The following SPAG17 variants were observed in gnomAD, a reference collection of about 807,000 sequenced individuals.
The protein encoded by SPAG17 is sperm-associated antigen 17.
Under a neutral mutation model 273.6 loss-of-function variants are expected in SPAG17, and 169 were observed. That is an observed-to-expected ratio of 0.62 (90% confidence interval 0.55 to 0.70). SPAG17 has a LOEUF of 0.70. Ranked by LOEUF, SPAG17 falls within the 30% of genes least tolerant of loss-of-function variation. The pLI, the probability that SPAG17 is intolerant of heterozygous loss-of-function variation, is 0.00. For missense variants in SPAG17, 2,557 were observed against 2,627.8 expected (o/e 0.97, Z 0.59); for synonymous variants, 825 against 873.2 (o/e 0.94, Z 0.97).
Position 118,053,648 on chromosome 1 carries a change from A to G in SPAG17, c.2814+354T>C, listed in dbSNP as rs140059542. 1.6e-3 allele frequency among the ~76,000 whole-genome samples: 245 copies of G among 152,182 alleles called. 2 individuals carry two copies. Among genetic ancestry groups the G allele is most frequent in the Middle Eastern group, 6.8e-3 (2 of 294 alleles). On this transcript the variant is annotated intron_variant, in intron 20 of 48. Transcript: ENST00000336338. ...ATCTGAATATAAAAAATAAATCTATAAAAATATTCTAAGAGAATGCATAAA... is the reference window on the plus strand; with the variant it reads ...ATCTGAATATAAAAAATAAATCTATGAAAATATTCTAAGAGAATGCATAAA...
chr1:118,125,088 G>C (rs1457858194), intron 3 of SPAG17, among the ~76,000 whole-genome samples: 1 of 152,104 alleles, frequency 6.6e-6, no homozygotes, highest in Non-Finnish European at 1.5e-5. Context: ...ACTCTAAATA[G>C]CTGAGCTGTT....
intron 3 of SPAG17, among the ~76,000 whole-genome samples, chr1:118,135,426 TGTGTGG>T (rs1264488682): frequency 2.1e-3 from 317 of 150,068 alleles, no homozygotes; most frequent in African/African-American, 7.4e-3. Flanking sequence ...TGTGTGTGTG[TGTGTGG>T]GGTATGGTGT....
At chr1:118,096,589 C>T (rs1022009911) in intron 7 of SPAG17, among the ~76,000 whole-genome samples, 6 of 152,280 alleles carry the variant, frequency 3.9e-5, no homozygotes, top group African/African-American at 1.4e-4. Flanking sequence ...GAGAGATTTT[C>T]TGTAGCAGAG....
intron 7 of SPAG17, among the ~76,000 whole-genome samples, chr1:118,094,328 C>T (rs138132910): frequency 3.9e-5 from 6 of 152,320 alleles, no homozygotes; most frequent in African/African-American, 1.4e-4. Flanking sequence ...TAAAATGAAA[C>T]AGCAAATCAC....
intron 1 of SPAG17, among the ~76,000 whole-genome samples, chr1:118,184,089 A>C (rs936801065): frequency 6.6e-6 from 1 of 152,082 alleles, no homozygotes; most frequent in Non-Finnish European, 1.5e-5. Context: ...GGAAAAAAAA[A>C]CAGTTATAGT....
At chr1:118,020,470 T>C (rs1052559721) in intron 28 of SPAG17, among the ~76,000 whole-genome samples, 25 of 151,576 alleles carry the variant, frequency 1.6e-4, no homozygotes, top group Admixed American at 1.4e-3. Context: ...AAGGAAGTCA[T>C]TGCATAATGA....
intron 15 of SPAG17, among the ~76,000 whole-genome samples, chr1:118,077,558 CAAAG>C: frequency 6.6e-6 from 1 of 152,084 alleles, no homozygotes; most frequent in South Asian, 2.1e-4. Flanking sequence ...TGAAACAAAA[CAAAG>C]AAAACACCTT....
At chr1:118,092,056 C>A in intron 8 of SPAG17, 54 bp from the exon 9 acceptor site, 1 of 1,470,108 alleles carries the variant, frequency 6.8e-7, no homozygotes, top group South Asian at 1.1e-5. Context: ...TGAGAGATGC[C>A]CTCATCAAAT....
At chr1:118,037,117 T>G (rs1415211338) in intron 23 of SPAG17, among the ~76,000 whole-genome samples, 1 of 152,106 alleles carries the variant, frequency 6.6e-6, no homozygotes, top group Non-Finnish European at 1.5e-5. Flanking sequence ...AGAGAGGAAA[T>G]CAATCGGTTG....
chr1:118,123,310 A>G (rs1252435685), intron 3 of SPAG17, among the ~76,000 whole-genome samples: 2 of 152,204 alleles, frequency 1.3e-5, no homozygotes, highest in East Asian at 3.9e-4. Flanking sequence ...GTAATTTCCA[A>G]TGAGGCATAA....
At position 117,966,470 on chromosome 1, in the gene SPAG17, GCT is replaced by G. The variant is rs879241458; in HGVS notation, c.6532+137_6532+138del. ...GGTGCTTTCAAAGATGAATGAAGAT[GCT>G]CTTTGTCTTAATAAATTTAACTCTG... is the stretch of plus-strand genomic sequence containing the variant. On this transcript the variant is annotated intron_variant, in intron 47 of 48. Coordinates refer to ENST00000336338, the MANE Select transcript of SPAG17 (RefSeq NM_206996.4). 16 of 834,268 alleles carry G rather than the reference GCT, an allele frequency of 1.9e-5. No homozygotes were observed. In the South Asian group the frequency reaches 4.2e-4, roughly 22 times the overall value. 51.7% of individuals were successfully genotyped at this position (834,268 alleles called of 1,614,324 possible). A position where few individuals can be genotyped will look rare whatever the true frequency, so the allele number is the denominator to read the frequency against.
intron 48 of SPAG17, chr1:117,962,970 C>G (rs1653303074): frequency 6.6e-6 from 1 of 152,224 alleles, no homozygotes; most frequent in African/African-American, 2.4e-5. Context: ...TGTCTGCAAT[C>G]CACCCCCATT....
At chr1:118,162,542 G>A (rs1451512851) in intron 1 of SPAG17, among the ~76,000 whole-genome samples, 1 of 152,140 alleles carries the variant, frequency 6.6e-6, no homozygotes, top group Non-Finnish European at 1.5e-5. Context: ...CAAAAAAGGT[G>A]AAAAGAGATT....
intron 6 of SPAG17, among the ~76,000 whole-genome samples, chr1:118,098,113 G>A (rs927247289): frequency 2.0e-5 from 3 of 152,166 alleles, no homozygotes; most frequent in South Asian, 2.1e-4. Flanking sequence ...TTATGACTAC[G>A]TCACACATTT....
In SPAG17 at chr1:118,005,531, GC is replaced by G; in HGVS notation, c.4658del (p.Ser1553ThrfsTer21). On this transcript the variant is annotated frameshift_variant, in exon 32 of 49. Transcript: ENST00000336338. LOFTEE classifies it high-confidence loss of function. ...DCSAVYCHESSSNIYYPFQKR... is the reference protein window; with the variant it reads ...DCSAVYCHESXSNIYYPFQKR... ...TTTGAAAAGGATAGTATATATTACT[GC>G]TTGACTCATGGCAGTACACAGCTGA... is the stretch of plus-strand genomic sequence containing the variant. The G allele has an allele frequency of 6.2e-7, 1 of 1,611,358 alleles. No homozygotes were observed. The highest frequency in any genetic ancestry group is 8.5e-7 in the Non-Finnish European group (1 of 1,178,640).
intron 29 of SPAG17, among the ~76,000 whole-genome samples, chr1:118,013,382 G>A (rs1046505389): frequency 2.0e-5 from 3 of 152,076 alleles, no homozygotes; most frequent in South Asian, 2.1e-4. Context: ...AATGAATGCC[G>A]ATCATTATTT....
chr1:117,956,599 G>A (rs1652233951), intron 48 of SPAG17, among the ~76,000 whole-genome samples: 1 of 152,134 alleles, frequency 6.6e-6, no homozygotes, highest in Non-Finnish European at 1.5e-5. Flanking sequence ...TTTTAAATTG[G>A]AATTGATGAA....
chr1:118,117,643 G>A (rs1558025279), intron 3 of SPAG17, among the ~76,000 whole-genome samples: 2 of 152,190 alleles, frequency 1.3e-5, no homozygotes, highest in Non-Finnish European at 2.9e-5. Context: ...GAGAGAGAGA[G>A]CAGTGGTGGA....
At chr1:118,093,404 C>T (rs937781234) in intron 7 of SPAG17, 87 bp from the exon 8 acceptor site, 1 of 1,321,450 alleles carries the variant, frequency 7.6e-7, no homozygotes, top group African/African-American at 1.5e-5. Flanking sequence ...AACAGTTATG[C>T]CCATCAACTT....
Sources: gnomAD v4.1 joint callset for allele counts (sites outside exome capture counted in the v4.1 genomes callset) on GRCh38, gnomAD v4.1.1 for gene constraint, MANE v1.5 for transcripts, NCBI Gene and HGNC (gene_info 2026-07-23, HGNC 2026-07-21) for gene names.